The following ATXN3 variants were observed in gnomAD, a reference collection of about 807,000 sequenced individuals.
ATXN3 encodes ataxin 3, also known as ataxin-3.
A neutral mutation model predicts 58.2 loss-of-function variants in ATXN3; 28 were observed. That is an observed-to-expected ratio of 0.48 (90% CI 0.36 to 0.66). The LOEUF (loss-of-function observed/expected upper bound fraction) is 0.66. Ranked by LOEUF, ATXN3 falls within the 30% of genes least tolerant of loss-of-function variation. The pLI is 0.00. For missense variants in ATXN3, 321 were observed against 422.1 expected (o/e 0.76, Z 2.10); for synonymous variants, 113 against 138.5 (o/e 0.82, Z 1.29).
At chr14:92,102,953 T>C (rs1414926119) in intron 1 of ATXN3, among the ~76,000 whole-genome samples, 2 of 152,174 alleles carry the variant, frequency 1.3e-5, no homozygotes, top group Admixed American at 6.5e-5. Context: ...AAGGGCATAA[T>C]GAATGCCACA....
At chr14:92,066,601 GTTTT>G (rs66941473) in intron 10 of ATXN3, among the ~76,000 whole-genome samples, 176 of 107,016 alleles carry the variant, frequency 1.6e-3, no homozygotes, top group African/African-American at 4.8e-3. Flanking sequence ...TTTTTTTCTT[GTTTT>G]TTTTTTTTTT....
At chr14:92,075,190 G>A (rs550522547) in intron 9 of ATXN3, among the ~76,000 whole-genome samples, 2 of 124,308 alleles carry the variant, frequency 1.6e-5, no homozygotes, top group South Asian at 5.3e-4. Context: ...TTGAGATGGA[G>A]TCTTGCTCTT....
chr14:92,055,692 G>A (rs1414868149), downstream of ATXN3, among the ~76,000 whole-genome samples: 1 of 152,210 alleles, frequency 6.6e-6, no homozygotes, highest in African/African-American at 2.4e-5. This position sits in a 1 kb window ranked among gnomAD's most constrained non-coding sequence, Gnocchi z 4.5. Flanking sequence ...CAGGTTAGGT[G>A]GCTCATGCCT....
chr14:92,096,996 C>A, intron 1 of ATXN3, 158 bp from the exon 2 acceptor site: 1 of 601,522 alleles, frequency 1.7e-6, no homozygotes, highest in South Asian at 1.7e-5. Flanking sequence ...CAAGCTCCGC[C>A]ACCCGGGTTC....
upstream of ATXN3, among the ~76,000 whole-genome samples, chr14:92,053,406 G>A (rs1291745801): frequency 6.6e-6 from 1 of 151,972 alleles, no homozygotes; most frequent in Non-Finnish European, 1.5e-5. Flanking sequence ...TAATGTAAAC[G>A]GAAGTAGTAT....
At chr14:92,074,138 C>T (rs2059941536) in intron 9 of ATXN3, among the ~76,000 whole-genome samples, 1 of 151,630 alleles carries the variant, frequency 6.6e-6, no homozygotes, top group Middle Eastern at 3.4e-3. Context: ...ACCAGCCTGG[C>T]CAACGTGGCA....
intron 1 of ATXN3, among the ~76,000 whole-genome samples, chr14:92,099,729 A>C (rs1469679663): frequency 6.6e-6 from 1 of 152,124 alleles, no homozygotes; most frequent in African/African-American, 2.4e-5. Context: ...TTAACTGAGC[A>C]TGGTGGTGCG....
intron 3 of ATXN3, among the ~76,000 whole-genome samples, chr14:92,094,347 C>T (rs184511990): frequency 1.2e-3 from 190 of 152,222 alleles, no homozygotes; most frequent in Non-Finnish European, 2.3e-3. Flanking sequence ...CTGAGATGTT[C>T]CAGAAAACCA....
chr14:92,076,224 T>C lies in ATXN3; in HGVS notation c.872+4741A>G, dbSNP rs185271319. ...ATGTTGGGAGACCCAGGCTGGCAGATTGCCTGAGATCAGGAGTTCGAGACC... is the reference window on the plus strand; with the variant it reads ...ATGTTGGGAGACCCAGGCTGGCAGACTGCCTGAGATCAGGAGTTCGAGACC... On this transcript the variant is annotated intron_variant, in intron 9 of 10. Coordinates refer to ENST00000644486, the MANE Select transcript of ATXN3 (RefSeq NM_004993.6). Among the ~76,000 whole-genome samples the C allele has an allele frequency of 4.1e-3, 627 of 152,250 alleles. 5 individuals are homozygous for C. Among genetic ancestry groups the C allele is most frequent in the Non-Finnish European group, 6.8e-3 (464 of 68,016 alleles).
At chr14:92,067,886 T>A (rs938732907) in intron 10 of ATXN3, among the ~76,000 whole-genome samples, 1 of 151,812 alleles carries the variant, frequency 6.6e-6, no homozygotes, top group African/African-American at 2.4e-5. Flanking sequence ...TGTCAAGGAG[T>A]GGCGGTCATG....
chr14:92,101,626 G>C (rs1409081297), intron 1 of ATXN3, among the ~76,000 whole-genome samples: 1 of 152,190 alleles, frequency 6.6e-6, no homozygotes, highest in Non-Finnish European at 1.5e-5. Flanking sequence ...GGGAGGCCAA[G>C]GCAGGTTGAT....
At chr14:92,086,572 A>G (rs1404350773) in intron 6 of ATXN3, among the ~76,000 whole-genome samples, 1 of 150,322 alleles carries the variant, frequency 6.7e-6, no homozygotes, top group African/African-American at 2.5e-5. Context: ...TCTCAAAAAA[A>G]AAAAAAAAAA....
chr14:92,103,142 G>C (rs1263193127), intron 1 of ATXN3, among the ~76,000 whole-genome samples: 1 of 137,858 alleles, frequency 7.3e-6, no homozygotes, highest in Non-Finnish European at 1.6e-5. Context: ...GCAGGCACCA[G>C]AACTAAAACA....
intron 9 of ATXN3, chr14:92,080,625 C>T (rs948049470): frequency 1.5e-5 from 5 of 331,102 alleles, no homozygotes; most frequent in South Asian, 2.4e-5. Flanking sequence ...CCTCCACGTC[C>T]CGGGTTCAAG....
chr14:92,067,986 C>A (rs984573287), intron 10 of ATXN3, among the ~76,000 whole-genome samples: 5 of 152,182 alleles, frequency 3.3e-5, no homozygotes, highest in African/African-American at 1.2e-4. Context: ...TGCCTTGTTA[C>A]TGATCTCCAC....
At chr14:92,081,744 CAAAAA>C (rs1218230613) in intron 8 of ATXN3, among the ~76,000 whole-genome samples, 1 of 151,896 alleles carries the variant, frequency 6.6e-6, no homozygotes, top group Non-Finnish European at 1.5e-5. Context: ...AAAAATAAAA[CAAAAA>C]ACCCACTTCA....
chr14:92,106,179 G>A (rs978272480), intron 1 of ATXN3, among the ~76,000 whole-genome samples: 1 of 152,192 alleles, frequency 6.6e-6, no homozygotes, highest in African/African-American at 2.4e-5. Context: ...CCTAGGGAGA[G>A]GGAAGGATTG....
chr14:92,044,872 C>T (rs1357587858), exon 3 of ATXN3: 1 of 152,088 alleles, frequency 6.6e-6, no homozygotes, highest in African/African-American at 2.4e-5. Flanking sequence ...AAGTAGGGTC[C>T]AGTCCATCGA....
chr14:92,051,294 G>T (rs1300874168), upstream of ATXN3, among the ~76,000 whole-genome samples: 5 of 152,302 alleles, frequency 3.3e-5, no homozygotes, highest in African/African-American at 9.6e-5. Flanking sequence ...GAAGTTAACA[G>T]ATTCCATTTT....
Sources: allele counts gnomAD v4.1 joint callset (sites outside exome capture counted in the v4.1 genomes callset), GRCh38; gene constraint gnomAD v4.1.1; non-coding constraint Gnocchi (gnomAD v3.1); transcripts MANE v1.5; gene names NCBI Gene and HGNC (gene_info 2026-07-23, HGNC 2026-07-21).